Variants in DPP6 observed in about 807,000 individuals in gnomAD.
The protein encoded by DPP6 is dipeptidyl peptidase like 6.
In DPP6, 69 loss-of-function variants were observed where a neutral mutation model predicts 122.6. The observed-to-expected ratio is 0.56, with a 90% confidence interval of 0.46 to 0.69. The LOEUF is 0.69. DPP6 is among the 30% of genes least tolerant of loss of function. DPP6 has a pLI of 0.00. For missense variants in DPP6, 928 were observed against 1,116.9 expected (o/e 0.83, Z 2.41); for synonymous variants, 418 against 433.1 (o/e 0.97, Z 0.43).
intron 1 of DPP6, among the ~76,000 whole-genome samples, chr7:153,941,958 A>G (rs976254308): frequency 1.4e-4 from 22 of 151,984 alleles, no homozygotes; most frequent in African/African-American, 5.3e-4. Context: ...TGTGGCTGGG[A>G]AAAAAAAGGA....
intron 1 of DPP6, among the ~76,000 whole-genome samples, chr7:154,280,760 T>A (rs1361020303): frequency 6.6e-6 from 1 of 152,126 alleles, no homozygotes; most frequent in Non-Finnish European, 1.5e-5. Flanking sequence ...AATAACGCAG[T>A]GTAAGAATCA....
intron 1 of DPP6, among the ~76,000 whole-genome samples, chr7:154,421,269 C>T (rs1024727455): frequency 2.0e-5 from 3 of 151,862 alleles, no homozygotes; most frequent in Non-Finnish European, 2.9e-5. Flanking sequence ...TGTCTTTGGC[C>T]CTTGTAAGCT....
At chr7:154,339,234 G>T (rs758922911) in intron 1 of DPP6, among the ~76,000 whole-genome samples, 1 of 152,222 alleles carries the variant, frequency 6.6e-6, no homozygotes, top group South Asian at 2.1e-4. Flanking sequence ...CATTGCAAAT[G>T]CAAGTAATTC....
chr7:154,408,514 G>A (rs1246484970), intron 1 of DPP6, among the ~76,000 whole-genome samples: 1 of 151,882 alleles, frequency 6.6e-6, no homozygotes, highest in African/African-American at 2.4e-5. Flanking sequence ...TAGTACAGAC[G>A]GTTCTTATTT....
chr7:153,920,574 T>TTTTTTTC (rs1800591495), intron 1 of DPP6, among the ~76,000 whole-genome samples: 1 of 132,780 alleles, frequency 7.5e-6, no homozygotes, highest in Non-Finnish European at 1.6e-5. Flanking sequence ...TTTTTTTTTT[T>TTTTTTTC]TTTTTTGAGA....
chr7:153,948,615 TTTTA>T lies in DPP6; in HGVS notation c.51+60885_51+60888del, dbSNP rs1161959011. Among the ~76,000 whole-genome samples the T allele has an allele frequency of 5.5e-5, 6 of 109,096 alleles. No individual in the cohort carries two copies. In the East Asian group the frequency reaches 2.3e-3, roughly 42 times the overall value. The allele number at this position is 109,096 out of a possible 152,430, so 71.6% of individuals were successfully genotyped here. On this transcript the variant is annotated intron_variant, in intron 1 of 25. Coordinates refer to the DPP6 transcript ENST00000404039. Reference sequence around the variant, plus strand: ...TTCTTCTCTACCTTCCTCACTGTTTTTTTATTTTTATTTTTTTTAGGATCAGATG... The same window carrying T: ...TTCTTCTCTACCTTCCTCACTGTTTTTTTTTATTTTTTTTAGGATCAGATG...
chr7:154,249,353 G>A (rs1370699884), intron 1 of DPP6, among the ~76,000 whole-genome samples: 1 of 152,184 alleles, frequency 6.6e-6, no homozygotes, highest in African/African-American at 2.4e-5. Context: ...TATAGCGAAT[G>A]AAAAATATCA....
At position 154,282,343 on chromosome 7, in the gene DPP6, T is replaced by C. The variant is rs1158300829; in HGVS notation, c.244-163871T>C. 3.3e-5 allele frequency among the ~76,000 whole-genome samples: 5 copies of C among 152,158 alleles called. No homozygotes were observed. Among genetic ancestry groups the C allele is most frequent in the African/African-American group, 1.2e-4 (5 of 41,440 alleles). On this transcript the variant is annotated intron_variant, in intron 1 of 25. Transcript: ENST00000377770. The surrounding 1 kb of genome is among the most constrained non-coding windows in gnomAD (Gnocchi z 4.8). ...GTGGCCTCTGGATACACGTGTCCTT[T>C]GTGGCCTACAGAAGACTTTCTTACA...
intron 4 of DPP6, among the ~76,000 whole-genome samples, chr7:154,551,768 C>T (rs550561188): frequency 6.6e-6 from 1 of 151,990 alleles, no homozygotes; most frequent in South Asian, 2.1e-4. Context: ...AAAATCTCTG[C>T]CTAAGAAATG....
intron 8 of DPP6, among the ~76,000 whole-genome samples, chr7:154,752,337 A>T (rs1207610580): frequency 1.3e-5 from 2 of 152,176 alleles, no homozygotes; most frequent in African/African-American, 4.8e-5. Context: ...GGCATCACCA[A>T]GTTGCTTCCT....
chr7:154,599,713 C>A (rs1431988400), intron 5 of DPP6, among the ~76,000 whole-genome samples: 1 of 151,784 alleles, frequency 6.6e-6, no homozygotes, highest in Non-Finnish European at 1.5e-5. Context: ...ATGTTCCCCA[C>A]CCTGTGTCCA....
chr7:154,533,062 T>C (rs1827970848), intron 3 of DPP6, among the ~76,000 whole-genome samples: 1 of 152,218 alleles, frequency 6.6e-6, no homozygotes, highest in Non-Finnish European at 1.5e-5. Context: ...TCCCCATTTA[T>C]TACCATTAGA....
intron 1 of DPP6, among the ~76,000 whole-genome samples, chr7:153,920,116 C>G (rs1246264330): frequency 6.6e-6 from 1 of 152,168 alleles, no homozygotes; most frequent in Non-Finnish European, 1.5e-5. Flanking sequence ...CACATACTTG[C>G]TGCTGTTGAC....
At chr7:154,589,159 T>C (rs1215572565) in intron 5 of DPP6, among the ~76,000 whole-genome samples, 1 of 152,200 alleles carries the variant, frequency 6.6e-6, no homozygotes, top group Non-Finnish European at 1.5e-5. Flanking sequence ...AGCAGGTGCC[T>C]CCTAACGCTG....
intron 1 of DPP6, among the ~76,000 whole-genome samples, chr7:154,431,377 C>T (rs529766617): frequency 1.3e-5 from 2 of 152,264 alleles, no homozygotes; most frequent in South Asian, 2.1e-4. Flanking sequence ...ACTCCAGGCC[C>T]CCAGCTCCAA....
chr7:154,596,812 C>T lies in DPP6; in HGVS notation c.627+29896C>T, dbSNP rs573414430. ...CTGAACACCTTTGGGATAATAATAG[C>T]GCCTTGCTCTATTTGAGATAAAATC... On this transcript the variant is annotated intron_variant, in intron 5 of 25. Coordinates refer to ENST00000377770, the MANE Select transcript of DPP6 (RefSeq NM_130797.4). 2.6e-4 allele frequency among the ~76,000 whole-genome samples: 39 copies of T among 152,294 alleles called. No individual in the cohort carries two copies. The South Asian group carries it at 7.5e-3, about 29-fold the overall frequency.
chr7:154,124,761 T>A (rs1437063997), intron 1 of DPP6, among the ~76,000 whole-genome samples: 1 of 151,952 alleles, frequency 6.6e-6, no homozygotes, highest in African/African-American at 2.4e-5. Context: ...GGCGGGAGGA[T>A]GGGGGTAAGT....
chr7:154,653,396 A>G (rs1199787116), intron 6 of DPP6, among the ~76,000 whole-genome samples: 1 of 152,210 alleles, frequency 6.6e-6, no homozygotes, highest in Admixed American at 6.5e-5. Context: ...TGATAGATAG[A>G]TGATAGATAA....
chr7:153,854,229 T>C, the DPP6 span, among the ~76,000 whole-genome samples: 2 of 151,866 alleles, frequency 1.3e-5, no homozygotes, highest in Admixed American at 6.6e-5. Flanking sequence ...ACAAGTACCA[T>C]GCTGTTTTGG....
Sources: allele counts gnomAD v4.1 joint callset (sites outside exome capture counted in the v4.1 genomes callset), GRCh38; gene constraint gnomAD v4.1.1; non-coding constraint Gnocchi (gnomAD v3.1); transcripts MANE v1.5; gene names NCBI Gene and HGNC (gene_info 2026-07-23, HGNC 2026-07-21).